CDH2: variants seen among roughly 807,000 people sequenced by gnomAD.
CDH2 encodes the protein cadherin-2.
CDH2 carries 17 observed loss-of-function variants against 92.0 expected under a neutral mutation model. The ratio of observed to expected loss-of-function variants is 0.18; its 90% CI spans 0.13 to 0.28. The LOEUF is 0.28. CDH2 is among the 10% of genes least tolerant of loss of function. CDH2 has a pLI of 1.00. For synonymous variants in CDH2, 419 were observed against 415.9 expected (o/e 1.01, Z -0.09); for missense variants, 862 against 1,133.1 (o/e 0.76, Z 3.44).
intron 2 of CDH2, among the ~76,000 whole-genome samples, chr18:28,109,763 A>G (rs2015380576): frequency 6.6e-6 from 1 of 152,252 alleles, no homozygotes. Context: ...TTCCACGTCC[A>G]GGTAATCTGA....
chr18:28,091,040 T>C (rs964191463), intron 2 of CDH2, among the ~76,000 whole-genome samples: 6 of 152,238 alleles, frequency 3.9e-5, no homozygotes, highest in Non-Finnish European at 8.8e-5. Flanking sequence ...TGCATTTAAT[T>C]GCATAGGCTG....
chr18:27,995,313 C>CA (rs34313496), intron 7 of CDH2, among the ~76,000 whole-genome samples: 47,453 of 80,176 alleles, frequency 0.59, 13,291 homozygotes, highest in East Asian at 0.77. Context: ...GACTCCATCT[C>CA]AAAAAAAAAA....
At chr18:27,975,181 T>G (rs571261824) in intron 14 of CDH2, among the ~76,000 whole-genome samples, 1 of 152,170 alleles carries the variant, frequency 6.6e-6, no homozygotes. Context: ...CCAATTGTCA[T>G]GCTCCAGTCA....
chr18:27,981,958 G>A (rs575499335), intron 14 of CDH2, among the ~76,000 whole-genome samples: 3 of 152,130 alleles, frequency 2.0e-5, no homozygotes, highest in South Asian at 2.1e-4. Flanking sequence ...CATTAATATC[G>A]CCCATATAAT....
At chr18:27,965,963 G>A (rs1297345957) in intron 14 of CDH2, among the ~76,000 whole-genome samples, 3 of 139,252 alleles carry the variant, frequency 2.2e-5, no homozygotes, top group South Asian at 2.3e-4. Flanking sequence ...ACTCCAGCCC[G>A]GGCGACAGAA....
At chr18:28,140,752 G>T (rs746847437) in intron 2 of CDH2, among the ~76,000 whole-genome samples, 63 of 150,644 alleles carry the variant, frequency 4.2e-4, no homozygotes, top group Admixed American at 6.0e-4. Context: ...CTGTGAAATG[G>T]GAGAAAATAT....
At chr18:27,973,207 T>G (rs984892357) in intron 14 of CDH2, among the ~76,000 whole-genome samples, 1 of 147,794 alleles carries the variant, frequency 6.8e-6, no homozygotes, top group Non-Finnish European at 1.5e-5. Flanking sequence ...ATATTGAAAC[T>G]AATTTCCACA....
At chr18:28,012,997 A>C (rs1599033142) in intron 3 of CDH2, among the ~76,000 whole-genome samples, 1 of 152,308 alleles carries the variant, frequency 6.6e-6, no homozygotes, top group East Asian at 1.9e-4. Context: ...TTTGTTTTGA[A>C]TTAACTCAAA....
chr18:28,048,794 C>T (rs997706549), intron 2 of CDH2, among the ~76,000 whole-genome samples: 18 of 152,212 alleles, frequency 1.2e-4, no homozygotes, highest in African/African-American at 4.3e-4. Context: ...TCTGTTGAAA[C>T]AGAAACAGCA....
chr18:28,054,054 C>A (rs938921128), intron 2 of CDH2, among the ~76,000 whole-genome samples: 1 of 152,094 alleles, frequency 6.6e-6, no homozygotes, highest in African/African-American at 2.4e-5. Context: ...TGAGAGAGCA[C>A]ACAAACTTTG....
chr18:28,105,557 T>A (rs887357992), intron 2 of CDH2, among the ~76,000 whole-genome samples: 1 of 152,222 alleles, frequency 6.6e-6, no homozygotes, highest in Admixed American at 6.5e-5. Flanking sequence ...ACAGAACATA[T>A]CAATTATACA....
At chr18:28,126,771 T>C (rs1388564794) in intron 2 of CDH2, among the ~76,000 whole-genome samples, 1 of 152,162 alleles carries the variant, frequency 6.6e-6, no homozygotes, top group Non-Finnish European at 1.5e-5. Flanking sequence ...GACTGAGACA[T>C]AGGCCATCCT....
chr18:27,953,240 G>GA (rs1909550899), intron 15 of CDH2, among the ~76,000 whole-genome samples: 1 of 151,958 alleles, frequency 6.6e-6, no homozygotes, highest in African/African-American at 2.4e-5. Flanking sequence ...AGAATTTTAA[G>GA]AAAAAAGAAA....
At chr18:28,132,564 T>C (rs2015790455) in intron 2 of CDH2, among the ~76,000 whole-genome samples, 2 of 152,114 alleles carry the variant, frequency 1.3e-5, no homozygotes, top group South Asian at 2.1e-4. Context: ...AAATGTGATC[T>C]CACTGATCCA....
In CDH2 at chr18:27,990,106, T is replaced by C. The variant is rs1189336898; in HGVS notation, c.1589A>G (p.Gln530Arg). ...AAACAGCATTTCATACCTAATATTT[T>C]GCTGCATATATCGATCTGGGTCCTG... ...TAQDPDRYMQ[Q>R]NIRYTKLSDP... The change falls in exon 10 of 16, where the codon CAA (glutamine) becomes CGA (arginine). Residue 530 changes from glutamine (Q) to arginine (R), a missense_variant. Coordinates refer to ENST00000269141, the MANE Select transcript of CDH2 (RefSeq NM_001792.5). The C allele has an allele frequency of 2.5e-6, 4 of 1,613,720 alleles. No homozygotes were observed. Among genetic ancestry groups the C allele is most frequent in the Admixed American group, 3.3e-5 (2 of 60,004 alleles).
intron 2 of CDH2, among the ~76,000 whole-genome samples, chr18:28,069,485 AG>A (rs1388343402): frequency 6.6e-6 from 1 of 152,178 alleles, no homozygotes; most frequent in Non-Finnish European, 1.5e-5. Context: ...TCAAGTACCC[AG>A]AACCAACAGA....
At chr18:28,125,226 T>C (rs1219256113) in intron 2 of CDH2, among the ~76,000 whole-genome samples, 1 of 152,174 alleles carries the variant, frequency 6.6e-6, no homozygotes, top group African/African-American at 2.4e-5. Flanking sequence ...AACTGTAAAT[T>C]GAACCATTGT....
At chr18:28,009,044 G>A (rs1364825193) in intron 5 of CDH2, among the ~76,000 whole-genome samples, 1 of 152,148 alleles carries the variant, frequency 6.6e-6, no homozygotes, top group African/African-American at 2.4e-5. Context: ...TTGGGGAACT[G>A]GGGAGATTGG....
At chr18:27,957,410 C>T (rs1464442526) in intron 15 of CDH2, among the ~76,000 whole-genome samples, 1 of 129,634 alleles carries the variant, frequency 7.7e-6, no homozygotes, top group East Asian at 2.1e-4. Flanking sequence ...CCACCATGCT[C>T]GGCTAATTTT....
Sources: gnomAD v4.1 joint callset for allele counts (sites outside exome capture counted in the v4.1 genomes callset) on GRCh38, gnomAD v4.1.1 for gene constraint, MANE v1.5 for transcripts, NCBI Gene and HGNC (gene_info 2026-07-23, HGNC 2026-07-21) for gene names.